The following SNTG1 variants were observed in gnomAD, a reference collection of about 807,000 sequenced individuals.
SNTG1 encodes gamma-1-syntrophin.
In SNTG1, 39 loss-of-function variants were observed where a neutral mutation model predicts 74.7. The ratio of observed to expected loss-of-function variants is 0.52; its 90% CI spans 0.40 to 0.68. The LOEUF is 0.68. Ranked by LOEUF, SNTG1 falls within the 30% of genes least tolerant of loss-of-function variation. The pLI, the probability that SNTG1 is intolerant of heterozygous loss-of-function variation, is 0.00. For missense variants in SNTG1, 685 were observed against 609.5 expected (o/e 1.12, Z -1.30); for synonymous variants, 254 against 217.1 (o/e 1.17, Z -1.49).
intron 4 of SNTG1, among the ~76,000 whole-genome samples, chr8:50,419,379 G>T (rs1417143295): frequency 6.6e-6 from 1 of 152,194 alleles, no homozygotes; most frequent in Non-Finnish European, 1.5e-5. Flanking sequence ...AGCTCTGTCT[G>T]CCAAGGTGGT....
intron 2 of SNTG1, among the ~76,000 whole-genome samples, chr8:50,352,969 A>G (rs1487386201): frequency 1.3e-5 from 2 of 152,274 alleles, no homozygotes; most frequent in East Asian, 3.9e-4. Flanking sequence ...TGTTTATTGC[A>G]GCACTATTCA....
At chr8:50,789,130 A>T (rs1438293991) in intron 18 of SNTG1, among the ~76,000 whole-genome samples, 1 of 151,946 alleles carries the variant, frequency 6.6e-6, no homozygotes, top group Non-Finnish European at 1.5e-5. Flanking sequence ...AGTAACTCTA[A>T]TACCTTCACA....
chr8:50,691,821 C>G (rs1032484727), intron 15 of SNTG1, among the ~76,000 whole-genome samples: 1 of 152,150 alleles, frequency 6.6e-6, no homozygotes, highest in Non-Finnish European at 1.5e-5. Flanking sequence ...GGAAGTTCTC[C>G]TGGATAATAT....
chr8:50,680,648 C>A (rs190603013), intron 15 of SNTG1, among the ~76,000 whole-genome samples: 1 of 152,188 alleles, frequency 6.6e-6, no homozygotes, highest in East Asian at 1.9e-4. Flanking sequence ...CTACCAACAC[C>A]CTTCGGAGGC....
chr8:50,786,893 A>G (rs1244496566), intron 18 of SNTG1, among the ~76,000 whole-genome samples: 2 of 151,874 alleles, frequency 1.3e-5, no homozygotes, highest in African/African-American at 2.4e-5. Flanking sequence ...TTTGAAGAAA[A>G]CATGGGATTA....
At chr8:49,989,008 C>A (rs951893216) in intron 1 of SNTG1, among the ~76,000 whole-genome samples, 4 of 151,938 alleles carry the variant, frequency 2.6e-5, no homozygotes, top group South Asian at 2.1e-4. Context: ...GTGATGCATA[C>A]AATTACCCTA....
rs1020962515 is a variant in SNTG1, at chr8:50,634,414, T to C, written c.850-22495T>C. Among the ~76,000 whole-genome samples the C allele has an allele frequency of 2.0e-5, 3 of 152,202 alleles. No individual in the cohort carries two copies. In the East Asian group the frequency reaches 5.8e-4, roughly 29 times the overall value. Reference sequence around the variant, plus strand: ...TTGTGCAGTTAAATCTTTGAACTCATTTCATCTTTGAGCTTTTCAAACGTG... The same window carrying C: ...TTGTGCAGTTAAATCTTTGAACTCACTTCATCTTTGAGCTTTTCAAACGTG... On this transcript the variant is annotated intron_variant, in intron 13 of 18. Coordinates refer to ENST00000642720, the MANE Select transcript of SNTG1 (RefSeq NM_018967.5).
intron 17 of SNTG1, among the ~76,000 whole-genome samples, chr8:50,743,441 T>C (rs563388198): frequency 2.4e-4 from 37 of 151,982 alleles, no homozygotes; most frequent in Non-Finnish European, 4.4e-4. Context: ...AAAAATACAC[T>C]TGTCAGAACG....
At chr8:49,940,861 T>C (rs1029844281) in intron 1 of SNTG1, among the ~76,000 whole-genome samples, 2 of 152,212 alleles carry the variant, frequency 1.3e-5, no homozygotes, top group African/African-American at 4.8e-5. Flanking sequence ...CTTATGTGAA[T>C]ACTTTAGTCT....
chr8:50,243,162 A>C (rs1307125098), intron 2 of SNTG1, among the ~76,000 whole-genome samples: 1 of 68,746 alleles, frequency 1.5e-5, no homozygotes, highest in Non-Finnish European at 3.5e-5. Context: ...GTTCAGATAA[A>C]TGAGTCCTGA....
intron 4 of SNTG1, among the ~76,000 whole-genome samples, chr8:50,429,591 G>A (rs545587387): frequency 1.3e-5 from 2 of 152,082 alleles, no homozygotes; most frequent in Admixed American, 6.6e-5. Flanking sequence ...TTGTAAATTT[G>A]CCATCAAGGT....
Position 50,349,000 on chromosome 8 carries a change from T to C in SNTG1, c.-27-45212T>C, listed in dbSNP as rs77388504. ...CTCATAATAAGGATTGCTTAACTGT[T>C]ATAAGTATGACGTGAAAGAAGACAT... On this transcript the variant is annotated intron_variant, in intron 2 of 18. Transcript: ENST00000642720. Among the ~76,000 whole-genome samples the C allele has an allele frequency of 1.2e-4, 18 of 152,308 alleles. No homozygotes were observed. The East Asian group carries it at 2.5e-3, about 21-fold the overall frequency.
At chr8:50,136,120 T>C (rs1316322607) in intron 1 of SNTG1, among the ~76,000 whole-genome samples, 1 of 152,218 alleles carries the variant, frequency 6.6e-6, no homozygotes, top group East Asian at 1.9e-4. Flanking sequence ...TTTCATGGTC[T>C]ATATGTACCA....
intron 1 of SNTG1, among the ~76,000 whole-genome samples, chr8:50,076,445 T>G (rs577717093): frequency 3.3e-5 from 5 of 152,320 alleles, no homozygotes; most frequent in African/African-American, 9.6e-5. Flanking sequence ...TAAAATTGTT[T>G]CTTTCCAAGA....
At chr8:50,617,093 T>C (rs1001211025) in intron 13 of SNTG1, among the ~76,000 whole-genome samples, 1 of 152,188 alleles carries the variant, frequency 6.6e-6, no homozygotes, top group Non-Finnish European at 1.5e-5. Flanking sequence ...TCATCTCTAT[T>C]GTCCTGTGAT....
chr8:49,940,406 G>C (rs988777133), intron 1 of SNTG1, among the ~76,000 whole-genome samples: 1 of 152,154 alleles, frequency 6.6e-6, no homozygotes, highest in Admixed American at 6.5e-5. Context: ...TCAGTGAAAA[G>C]GGGAATGGCT....
intron 1 of SNTG1, among the ~76,000 whole-genome samples, chr8:50,164,849 G>A (rs776292284): frequency 9.2e-5 from 14 of 152,126 alleles, no homozygotes; most frequent in East Asian, 1.9e-4. Flanking sequence ...AAATGGTATG[G>A]CTATACAACA....
intron 8 of SNTG1, among the ~76,000 whole-genome samples, chr8:50,455,366 A>G (rs920162017): frequency 6.6e-6 from 1 of 152,206 alleles, no homozygotes; most frequent in Non-Finnish European, 1.5e-5. Flanking sequence ...TTTTGTTTCT[A>G]TGATTCTCAT....
At chr8:50,075,672 C>T (rs138966455) in intron 1 of SNTG1, among the ~76,000 whole-genome samples, 131 of 152,274 alleles carry the variant, frequency 8.6e-4, no homozygotes, top group South Asian at 2.3e-3. Flanking sequence ...CTTGCTGCTG[C>T]TCACTCTTTG....
Sources: gnomAD v4.1 joint callset for allele counts (sites outside exome capture counted in the v4.1 genomes callset) on GRCh38, gnomAD v4.1.1 for gene constraint, MANE v1.5 for transcripts, NCBI Gene and HGNC (gene_info 2026-07-23, HGNC 2026-07-21) for gene names.